BAAT: variants seen among roughly 807,000 people sequenced by gnomAD.
BAAT encodes bile acid-CoA:amino acid N-acyltransferase, also known as bile acid CoA: amino acid N-acyltransferase (glycine N-choloyltransferase).
In BAAT, 13 loss-of-function variants were observed where a neutral mutation model predicts 18.9. The ratio of observed to expected loss-of-function variants is 0.69; its 90% CI spans 0.45 to 1.10. The LOEUF is 1.10. Ranked by LOEUF, BAAT falls within the 50% of genes least tolerant of loss-of-function variation. BAAT has a pLI of 0.00. For synonymous variants in BAAT, 170 were observed against 190.7 expected, an observed-to-expected ratio of 0.89 and a Z score of 0.89; for missense variants, 489 against 504.0, an observed-to-expected ratio of 0.97 and a Z score of 0.28.
At chr9:101,376,216 CT>C in intron 1 of BAAT, 4 of 176,498 alleles carry the variant, frequency 2.3e-5, no homozygotes. Context: ...GTTTGCCTTC[CT>C]TTTTAACACT....
chr9:101,369,852 G>A (rs552444460), intron 2 of BAAT, among the ~76,000 whole-genome samples: 2 of 152,224 alleles, frequency 1.3e-5, no homozygotes, highest in African/African-American at 4.8e-5. Context: ...TCTGAGAAAT[G>A]TACCAAAACA....
chr9:101,368,061 AC>A (rs1323392126), intron 3 of BAAT, 58 bp downstream of exon 3: 1 of 1,548,084 alleles, frequency 6.5e-7, no homozygotes, highest in East Asian at 2.3e-5. Flanking sequence ...TTTAACAAAA[AC>A]AAAAACAGAA....
At chr9:101,364,738 T>A (rs56013964) in intron 3 of BAAT, among the ~76,000 whole-genome samples, 23,501 of 152,214 alleles carry the variant, frequency 0.15, 1,999 homozygotes, top group African/African-American at 0.2. Context: ...AAAGATATAT[T>A]AAGCATCTTC....
intron 1 of BAAT, among the ~76,000 whole-genome samples, chr9:101,381,107 A>G (rs999754148): frequency 1.3e-5 from 2 of 152,052 alleles, no homozygotes; most frequent in Non-Finnish European, 2.9e-5. Flanking sequence ...GGGAAATGCA[A>G]TCTGCCACAA....
intron 1 of BAAT, among the ~76,000 whole-genome samples, chr9:101,376,996 A>G (rs1210497698): frequency 6.6e-6 from 1 of 152,178 alleles, no homozygotes; most frequent in Non-Finnish European, 1.5e-5. Flanking sequence ...ATTCCTTTGG[A>G]TAGAGAAAAG....
At chr9:101,364,458 C>T (rs888155276) in intron 3 of BAAT, among the ~76,000 whole-genome samples, 3 of 152,150 alleles carry the variant, frequency 2.0e-5, no homozygotes, top group Admixed American at 1.3e-4. Context: ...AAAGTTTGAA[C>T]CACCTATCAC....
Position 101,374,481 on chromosome 9 carries a change from C to A in BAAT, c.-59-3018G>T, listed in dbSNP as rs75028368. On this transcript the variant is annotated intron_variant, in intron 1 of 3. Coordinates refer to ENST00000259407, the MANE Select transcript of BAAT (RefSeq NM_001701.4). ...CCAAGTTTCAGATATTTTCATAAAT[C>A]TTGAAACTCCAAACTAGAATTCCAA... Among the ~76,000 whole-genome samples the A allele has an allele frequency of 3.2e-3, 492 of 152,238 alleles. 3 individuals carry two copies. The highest frequency in any genetic ancestry group is 0.01 in the Middle Eastern group (3 of 294).
In BAAT at chr9:101,368,144, G is replaced by T. The variant is rs1829864658; in HGVS notation, c.645C>A (p.Ala215=). The T allele has an allele frequency of 6.2e-7, 1 of 1,614,120 alleles. No homozygotes were observed. The highest frequency in any genetic ancestry group is 2.2e-5 in the East Asian group (1 of 44,872). Reference sequence around the variant, plus strand: ...CCTTTGGATGTCTCAGGAGAAAGTTGGCAGCCTCCTCAAAATATTCCAAAT... The same window carrying T: ...CCTTTGGATGTCTCAGGAGAAAGTTTGCAGCCTCCTCAAAATATTCCAAAT... ...VTDLEYFEEA[A]NFLLRHPKVF... Residue 215 remains alanine, a synonymous_variant, in exon 3 of 4, where the codon GCC becomes GCA. Transcript: ENST00000259407.
chr9:101,377,118 T>C (rs988643277), intron 1 of BAAT, among the ~76,000 whole-genome samples: 2 of 152,222 alleles, frequency 1.3e-5, no homozygotes, highest in Admixed American at 1.3e-4. Flanking sequence ...AAAGCAAAAT[T>C]TAGTTTTCTC....
rs149528522 is a variant in BAAT, at chr9:101,362,595, T to C, written c.1090A>G (p.Ile364Val). 11 of 1,614,008 alleles carry C rather than the reference T, an allele frequency of 6.8e-6. No individual in the cohort carries two copies. The highest frequency in any genetic ancestry group is 9.3e-6 in the Non-Finnish European group (11 of 1,180,030). Residue 364 changes from isoleucine to valine, a missense_variant, in exon 4 of 4, where the codon ATA (isoleucine) becomes GTA (valine). By Grantham distance (29) the Ile-to-Val change is conservative (BLOSUM62 3). Transcript: ENST00000259407. ...LLSYPGAGHL[I>V]EPPYSPLCCA... ...CACAGAGGAGAATAGGGAGGTTCTA[T>C]CAGGTGGCCTGCCCCAGGGTAAGAT... is the stretch of plus-strand genomic sequence containing the variant.
At chr9:101,377,679 C>T (rs1830069969) in intron 1 of BAAT, among the ~76,000 whole-genome samples, 1 of 152,138 alleles carries the variant, frequency 6.6e-6, no homozygotes. Flanking sequence ...GAAGCATTCC[C>T]TTTGAAAACC....
chr9:101,373,476 G>A (rs1829991522), intron 1 of BAAT, among the ~76,000 whole-genome samples: 1 of 152,152 alleles, frequency 6.6e-6, no homozygotes, highest in Admixed American at 6.6e-5. Context: ...TTTACTGATA[G>A]CTTTCAGGGC....
At chr9:101,382,178 A>G (rs1009157041) in intron 1 of BAAT, among the ~76,000 whole-genome samples, 1 of 152,168 alleles carries the variant, frequency 6.6e-6, no homozygotes, top group Non-Finnish European at 1.5e-5. Flanking sequence ...CTCTAAAATA[A>G]CAATTGGTCA....
intron 1 of BAAT, chr9:101,376,735 A>C (rs912956574): frequency 6.6e-6 from 1 of 152,218 alleles, no homozygotes; most frequent in Admixed American, 6.5e-5. Context: ...AAAGACTAGG[A>C]GCATGTAGGC....
At chr9:101,377,298 G>A (rs1302740356) in intron 1 of BAAT, among the ~76,000 whole-genome samples, 1 of 152,148 alleles carries the variant, frequency 6.6e-6, no homozygotes, top group Non-Finnish European at 1.5e-5. Flanking sequence ...CCAGATTGGG[G>A]AAGTTTCAAA....
chr9:101,377,062 T>C (rs1830060164), intron 1 of BAAT, among the ~76,000 whole-genome samples: 1 of 152,214 alleles, frequency 6.6e-6, no homozygotes, highest in African/African-American at 2.4e-5. Flanking sequence ...AAATCATTCA[T>C]AAAATTTTAT....
At chr9:101,363,980 G>C (rs1829782371) in intron 3 of BAAT, among the ~76,000 whole-genome samples, 1 of 152,124 alleles carries the variant, frequency 6.6e-6, no homozygotes, top group Non-Finnish European at 1.5e-5. Flanking sequence ...TTGTACCCCA[G>C]CCTGGGCAAT....
Position 101,360,837 on chromosome 9 carries a change from C to T in BAAT, c.*1591G>A, listed in dbSNP as rs1829707269. ...TTAAAATGCCATCATTGTAGCTATG[C>T]AGCCAAATGCAAACAAACACTAAAA... is the stretch of plus-strand genomic sequence containing the variant. On this transcript the variant is annotated 3_prime_UTR_variant, in exon 4 of 4. Transcript: ENST00000259407. 2 of 156,874 alleles carry T rather than the reference C, an allele frequency of 1.3e-5. No individual in the cohort carries two copies. Among genetic ancestry groups the T allele is most frequent in the Non-Finnish European group, 1.5e-5 (1 of 68,336 alleles). 9.7% of individuals were successfully genotyped at this position (156,874 alleles called of 1,614,324 possible).
At position 101,377,426 on chromosome 9, in the gene BAAT, T is replaced by C. The variant is rs554829500; in HGVS notation, c.-59-5963A>G. On this transcript the variant is annotated intron_variant, in intron 1 of 3. Transcript: ENST00000259407. ...GCCCACATCCCTTGGCTCAACTCCT[T>C]GCTGGGAACCCAGAGGTTTTTTCAC... is the stretch of plus-strand genomic sequence containing the variant. 2.6e-4 allele frequency among the ~76,000 whole-genome samples: 39 copies of C among 152,302 alleles called. 1 individual carries two copies. In the South Asian group the frequency reaches 8.1e-3, roughly 32 times the overall value.
Sources: gnomAD v4.1 joint callset for allele counts (sites outside exome capture counted in the v4.1 genomes callset) on GRCh38, gnomAD v4.1.1 for gene constraint, MANE v1.5 for transcripts, NCBI Gene and HGNC (gene_info 2026-07-23, HGNC 2026-07-21) for gene names.